KCNJ3: variants seen among roughly 807,000 people sequenced by gnomAD.
The protein encoded by KCNJ3 is G protein-activated inward rectifier potassium channel 1.
KCNJ3 carries 4 observed loss-of-function variants against 39.2 expected under a neutral mutation model. The observed-to-expected ratio is 0.10, with a 90% CI of 0.05 to 0.23. The LOEUF (loss-of-function observed/expected upper bound fraction) is 0.23, where lower values mean the gene tolerates loss of function less well. KCNJ3 is among the 10% of genes least tolerant of loss of function. The probability of loss-of-function intolerance (pLI) is 1.00; values close to 1 mark genes in which losing one functional copy is unlikely to be tolerated. For missense variants in KCNJ3, 276 were observed against 634.9 expected, an observed-to-expected ratio of 0.43 and a Z score of 6.08; for synonymous variants, 230 against 237.4, an observed-to-expected ratio of 0.97 and a Z score of 0.29.
intron 2 of KCNJ3, among the ~76,000 whole-genome samples, chr2:154,832,666 A>C (rs1200321602): frequency 6.7e-6 from 1 of 149,364 alleles, no homozygotes; most frequent in Non-Finnish European, 1.5e-5. Context: ...GGAGTTATTA[A>C]CATCAGAGGA....
intron 2 of KCNJ3, among the ~76,000 whole-genome samples, chr2:154,786,052 ATCTG>A (rs1202341709): frequency 1.3e-5 from 2 of 152,194 alleles, no homozygotes; most frequent in African/African-American, 4.8e-5. Flanking sequence ...ATTGATGGTT[ATCTG>A]TCTTTTAGGA....
At position 154,856,228 on chromosome 2, in the gene KCNJ3, C is replaced by A. The variant is rs1004260303; in HGVS notation, c.*915C>A. 2 of 152,456 alleles carry A rather than the reference C, an allele frequency of 1.3e-5. No individual in the cohort carries two copies. Among genetic ancestry groups the A allele is most frequent in the Non-Finnish European group, 2.9e-5 (2 of 67,944 alleles). 9.4% of individuals were successfully genotyped at this position (152,456 alleles called of 1,614,324 possible). A position where few individuals can be genotyped will look rare whatever the true frequency, so the allele number is the denominator to read the frequency against. ...AATCTGTTTTGTATATGATCTAATA[C>A]AAAGATGAGCTCTGAACAAACACTG... On this transcript the variant is annotated 3_prime_UTR_variant, in exon 3 of 3. Coordinates refer to ENST00000295101, the MANE Select transcript of KCNJ3 (RefSeq NM_002239.4).
chr2:154,735,541 T>C (rs1685516596), intron 2 of KCNJ3, among the ~76,000 whole-genome samples: 1 of 152,200 alleles, frequency 6.6e-6, no homozygotes, highest in Admixed American at 6.5e-5. Flanking sequence ...AGAGAAACAT[T>C]AGAAATACGT....
chr2:154,739,579 A>T (rs1685610110), intron 2 of KCNJ3, among the ~76,000 whole-genome samples: 1 of 151,754 alleles, frequency 6.6e-6, no homozygotes, highest in Non-Finnish European at 1.5e-5. Context: ...CTCCCCAGAG[A>T]CTCCCAACCT....
intron 1 of KCNJ3, among the ~76,000 whole-genome samples, chr2:154,705,415 G>A (rs1371967067): frequency 6.6e-6 from 1 of 151,986 alleles, no homozygotes; most frequent in East Asian, 1.9e-4. Context: ...GAAGACTGTC[G>A]GCAAAATACA....
chr2:154,789,768 T>C (rs946344573), intron 2 of KCNJ3, among the ~76,000 whole-genome samples: 6 of 152,076 alleles, frequency 3.9e-5, no homozygotes, highest in Admixed American at 2.6e-4. Context: ...GATTTTGTTA[T>C]TGAAATACTT....
chr2:154,789,301 T>C (rs528564625), intron 2 of KCNJ3, among the ~76,000 whole-genome samples: 1 of 152,078 alleles, frequency 6.6e-6, no homozygotes, highest in African/African-American at 2.4e-5. Flanking sequence ...TCCTTGTTTG[T>C]TGGAATACCA....
intron 2 of KCNJ3, among the ~76,000 whole-genome samples, chr2:154,761,755 G>A (rs959932085): frequency 1.7e-4 from 26 of 152,138 alleles, no homozygotes; most frequent in African/African-American, 6.3e-4. Context: ...CAGAGCCTGT[G>A]AGAATTATGT....
intron 2 of KCNJ3, among the ~76,000 whole-genome samples, chr2:154,748,345 G>A (rs778892647): frequency 1.9e-4 from 29 of 151,804 alleles, no homozygotes; most frequent in Non-Finnish European, 3.2e-4. Flanking sequence ...AATAAAACTT[G>A]CAAAAAAATA....
intron 2 of KCNJ3, among the ~76,000 whole-genome samples, chr2:154,796,190 G>C (rs756166202): frequency 2.6e-5 from 4 of 152,140 alleles, no homozygotes; most frequent in Non-Finnish European, 5.9e-5. Context: ...GAGGTCTATT[G>C]CTGAGGTACA....
chr2:154,750,219 CA>C (rs1462806721), intron 2 of KCNJ3, among the ~76,000 whole-genome samples: 4 of 151,908 alleles, frequency 2.6e-5, no homozygotes, highest in African/African-American at 9.7e-5. Context: ...TATTTGTACA[CA>C]ATTATATTAT....
At chr2:154,835,137 A>G (rs557160550) in intron 2 of KCNJ3, among the ~76,000 whole-genome samples, 211 of 152,072 alleles carry the variant, frequency 1.4e-3, no homozygotes, top group Non-Finnish European at 2.5e-3. Context: ...CTTTTGTTAA[A>G]TAAGACATGA....
intron 2 of KCNJ3, among the ~76,000 whole-genome samples, chr2:154,814,703 T>A (rs555881018): frequency 2.6e-5 from 4 of 152,252 alleles, no homozygotes; most frequent in South Asian, 2.1e-4. Flanking sequence ...AATCTCTCAA[T>A]ATATAAAATT....
chr2:154,704,470 T>C lies in KCNJ3; in HGVS notation c.702+4993T>C, dbSNP rs141725433. ...CTCACATAATCTATTATAAAATAAA[T>C]TACATTGCGTTCTGTAAGAAATGTT... On this transcript the variant is annotated intron_variant, in intron 1 of 2. Coordinates refer to ENST00000295101, the MANE Select transcript of KCNJ3 (RefSeq NM_002239.4). Among the ~76,000 whole-genome samples the C allele has an allele frequency of 6.6e-5, 10 of 152,270 alleles. No individual in the cohort carries two copies. The East Asian group carries it at 1.9e-3, about 29-fold the overall frequency.
chr2:154,796,994 T>C (rs556079961), intron 2 of KCNJ3, among the ~76,000 whole-genome samples: 4 of 152,190 alleles, frequency 2.6e-5, no homozygotes, highest in African/African-American at 9.7e-5. Flanking sequence ...CACATACCTA[T>C]TGAGCAATGT....
At chr2:154,812,194 T>G (rs941983313) in intron 2 of KCNJ3, among the ~76,000 whole-genome samples, 1 of 152,146 alleles carries the variant, frequency 6.6e-6, no homozygotes, top group Non-Finnish European at 1.5e-5. Context: ...CAAAAAACTT[T>G]GAATACCATT....
At chr2:154,719,927 T>G (rs1270058156) in intron 2 of KCNJ3, among the ~76,000 whole-genome samples, 1 of 152,150 alleles carries the variant, frequency 6.6e-6, no homozygotes, top group Non-Finnish European at 1.5e-5. Flanking sequence ...TGATTAGTTT[T>G]AACTTTGTTA....
At chr2:154,761,677 T>C (rs1159025060) in intron 2 of KCNJ3, among the ~76,000 whole-genome samples, 1 of 152,236 alleles carries the variant, frequency 6.6e-6, no homozygotes, top group African/African-American at 2.4e-5. Context: ...TTTTGTACTT[T>C]AAAGGGAATA....
At chr2:154,765,588 A>C (rs2105191980) in intron 2 of KCNJ3, among the ~76,000 whole-genome samples, 1 of 152,328 alleles carries the variant, frequency 6.6e-6, no homozygotes, top group East Asian at 1.9e-4. Context: ...ACATAAAACT[A>C]GTATTTTTGA....
Sources: gnomAD v4.1 joint callset for allele counts (sites outside exome capture counted in the v4.1 genomes callset) on GRCh38, gnomAD v4.1.1 for gene constraint, MANE v1.5 for transcripts, NCBI Gene and HGNC (gene_info 2026-07-23, HGNC 2026-07-21) for gene names.